IGSF21: variants seen among roughly 807,000 people sequenced by gnomAD.
IGSF21 encodes the protein immunoglobulin superfamily member 21.
IGSF21 carries 28 observed loss-of-function variants against 46.8 expected under a neutral mutation model. The observed-to-expected ratio is 0.60, with a 90% CI of 0.44 to 0.82. The LOEUF (loss-of-function observed/expected upper bound fraction) is 0.82. IGSF21 is among the 40% of genes least tolerant of loss of function. The pLI, the probability that IGSF21 is intolerant of heterozygous loss-of-function variation, is 0.00. For missense variants in IGSF21, 624 were observed against 665.5 expected, an observed-to-expected ratio of 0.94 and a Z score of 0.69; for synonymous variants, 284 against 273.6, an observed-to-expected ratio of 1.04 and a Z score of -0.38.
intron 1 of IGSF21, among the ~76,000 whole-genome samples, chr1:18,133,311 G>A (rs996113308): frequency 1.3e-4 from 20 of 152,200 alleles, no homozygotes; most frequent in Non-Finnish European, 2.6e-4. Context: ...AGCCTTTCTG[G>A]TCTAACCCCC....
In IGSF21 at chr1:18,280,057, A is replaced by G. The variant is rs2085143870; in HGVS notation, c.184-11809A>G. On this transcript the variant is annotated intron_variant, in intron 2 of 9. Coordinates refer to ENST00000251296, the MANE Select transcript of IGSF21 (RefSeq NM_032880.5). ...GTCCCATGATGAGCCCTTGCTGGAC[A>G]CAACCTGTCTACACAGGTGTGCCCA... Among the ~76,000 whole-genome samples the G allele has an allele frequency of 2.0e-5, 3 of 152,174 alleles. No individual in the cohort carries two copies. The South Asian group carries it at 6.2e-4, about 32-fold the overall frequency.
chr1:18,137,124 A>G (rs1042841329), intron 1 of IGSF21, among the ~76,000 whole-genome samples: 2 of 152,168 alleles, frequency 1.3e-5, no homozygotes, highest in African/African-American at 4.8e-5. Flanking sequence ...GGCCTCTAGA[A>G]GCTTCCAATC....
rs147483019 is a variant in IGSF21 at position 18,220,742 on chromosome 1, T to A, written c.71-7156T>A. ...AACATTTTTGTGAATCCTTGAAGGA[T>A]GCCCAGGAAATATCCAAGTTACCCA... On this transcript the variant is annotated intron_variant, in intron 1 of 9. Transcript: ENST00000251296. Among the ~76,000 whole-genome samples, 709 of 152,282 alleles carry A rather than the reference T, an allele frequency of 4.7e-3. 23 individuals carry two copies. The South Asian group carries it at 0.071, about 15-fold the overall frequency.
chr1:18,361,425 T>A (rs527600012), intron 4 of IGSF21: 1 of 152,402 alleles, frequency 6.6e-6, no homozygotes, highest in Non-Finnish European at 1.5e-5. Context: ...CGCCGGTTCA[T>A]AAAATTCCTG....
intron 1 of IGSF21, 39 bp from the exon 2 acceptor site, chr1:18,227,859 G>A: frequency 6.7e-7 from 1 of 1,494,404 alleles, no homozygotes; most frequent in Non-Finnish European, 9.3e-7. Context: ...CCTCTGATCT[G>A]CTCGTGCCCT....
intron 2 of IGSF21, among the ~76,000 whole-genome samples, chr1:18,247,332 C>A (rs981702151): frequency 6.6e-6 from 1 of 152,078 alleles, no homozygotes; most frequent in African/African-American, 2.4e-5. Context: ...CAGGTACATC[C>A]CCTTCCTCCC....
chr1:18,328,406 G>A (rs1312166842), intron 3 of IGSF21, among the ~76,000 whole-genome samples: 2 of 152,154 alleles, frequency 1.3e-5, no homozygotes, highest in Non-Finnish European at 2.9e-5. Context: ...ATGGTTGTAT[G>A]GCTACTCAAA....
chr1:18,233,804 A>C (rs137881491), intron 2 of IGSF21, among the ~76,000 whole-genome samples: 1 of 152,270 alleles, frequency 6.6e-6, no homozygotes, highest in African/African-American at 2.4e-5. Context: ...TGGTGAACTC[A>C]CTGGGTTTCA....
intron 2 of IGSF21, among the ~76,000 whole-genome samples, chr1:18,251,060 G>C (rs527383654): frequency 6.6e-6 from 1 of 152,266 alleles, no homozygotes; most frequent in South Asian, 2.1e-4. Flanking sequence ...ATGCCAGGCA[G>C]AGAGGGTATC....
chr1:18,187,077 A>G (rs1330710933), intron 1 of IGSF21, among the ~76,000 whole-genome samples: 1 of 151,760 alleles, frequency 6.6e-6, no homozygotes, highest in East Asian at 1.9e-4. Flanking sequence ...TCAACTATAG[A>G]TTATTTTTTT....
intron 3 of IGSF21, among the ~76,000 whole-genome samples, chr1:18,295,349 A>G (rs1395670481): frequency 6.6e-6 from 1 of 152,240 alleles, no homozygotes; most frequent in Non-Finnish European, 1.5e-5. Flanking sequence ...AGCACCTACT[A>G]GGACCTTGGC....
chr1:18,287,351 G>C (rs995219051), intron 2 of IGSF21, among the ~76,000 whole-genome samples: 2 of 151,838 alleles, frequency 1.3e-5, no homozygotes, highest in Non-Finnish European at 2.9e-5. Flanking sequence ...AGCTGAGATC[G>C]TGCCACTACA....
chr1:18,235,628 G>T lies in IGSF21; in HGVS notation c.183+7618G>T, dbSNP rs139506114. On this transcript the variant is annotated intron_variant, in intron 2 of 9. Coordinates refer to ENST00000251296, the MANE Select transcript of IGSF21 (RefSeq NM_032880.5). The stretch of plus-strand genomic sequence containing the variant: ...AAATAACAGAAAGTGCATGTGGCTG[G>T]AACAAAACGAATAGGGGGTGATGTT... 8.5e-5 allele frequency among the ~76,000 whole-genome samples: 13 copies of T among 152,340 alleles called. No individual in the cohort carries two copies. In the East Asian group the frequency reaches 2.3e-3, roughly 27 times the overall value.
At chr1:18,271,394 C>T (rs889767530) in intron 2 of IGSF21, among the ~76,000 whole-genome samples, 4 of 152,204 alleles carry the variant, frequency 2.6e-5, no homozygotes, top group African/African-American at 9.7e-5. Flanking sequence ...CCCCACATCC[C>T]AGGCCTCCAC....
chr1:18,245,482 G>A (rs2084775577), intron 2 of IGSF21, among the ~76,000 whole-genome samples: 1 of 152,088 alleles, frequency 6.6e-6, no homozygotes, highest in Non-Finnish European at 1.5e-5. Flanking sequence ...TGGATTTTCT[G>A]TGGGTCTCTG....
chr1:18,141,050 CCA>C (rs140276030), intron 1 of IGSF21, among the ~76,000 whole-genome samples: 245 of 152,282 alleles, frequency 1.6e-3, no homozygotes, highest in Non-Finnish European at 2.5e-3. Flanking sequence ...GTGAAGCACC[CCA>C]GTCTCCATGC....
chr1:18,204,803 G>A (rs1053753299), intron 1 of IGSF21, among the ~76,000 whole-genome samples: 84 of 152,186 alleles, frequency 5.5e-4, no homozygotes, highest in African/African-American at 2.0e-3. Flanking sequence ...CCCAGAGGCA[G>A]GGGGATGACT....
intron 1 of IGSF21, among the ~76,000 whole-genome samples, chr1:18,210,562 T>C (rs1329077289): frequency 6.6e-5 from 10 of 152,200 alleles, no homozygotes; most frequent in Non-Finnish European, 4.4e-5. Context: ...CTCTCTGCTG[T>C]GCTAGGGAAC....
intron 4 of IGSF21, among the ~76,000 whole-genome samples, chr1:18,338,899 G>T (rs949277193): frequency 2.0e-5 from 3 of 151,856 alleles, no homozygotes; most frequent in South Asian, 2.1e-4. Flanking sequence ...TGCAGGTTAG[G>T]GGGGAGGGAG....
Sources: allele counts gnomAD v4.1 joint callset (sites outside exome capture counted in the v4.1 genomes callset), GRCh38; gene constraint gnomAD v4.1.1; transcripts MANE v1.5; gene names NCBI Gene and HGNC (gene_info 2026-07-23, HGNC 2026-07-21).